Variants in SMYD4 observed in about 807,000 individuals in gnomAD.
The protein encoded by SMYD4 is SET and MYND domain containing 4.
In SMYD4, 68 loss-of-function variants were observed where a neutral mutation model predicts 72.8. The ratio of observed to expected loss-of-function variants is 0.93; its 90% CI spans 0.77 to 1.14. The LOEUF (loss-of-function observed/expected upper bound fraction) is 1.14. Ranked by LOEUF, SMYD4 falls within the 50% of genes most tolerant of loss-of-function variation. The pLI, the probability that SMYD4 is intolerant of heterozygous loss-of-function variation, is 0.00. For synonymous variants in SMYD4, 407 were observed against 388.6 expected, an observed-to-expected ratio of 1.05 and a Z score of -0.56; for missense variants, 984 against 1,003.7, an observed-to-expected ratio of 0.98 and a Z score of 0.27.
intron 5 of SMYD4, among the ~76,000 whole-genome samples, chr17:1,794,051 A>G (rs12947466): frequency 0.013 from 988 of 77,306 alleles, 29 homozygotes; most frequent in African/African-American, 0.022. Flanking sequence ...GTATATATAT[A>G]TGTGTGTATA....
chr17:1,818,702 C>T (rs1910754384), intron 2 of SMYD4, among the ~76,000 whole-genome samples: 1 of 152,016 alleles, frequency 6.6e-6, no homozygotes, highest in Non-Finnish European at 1.5e-5. Context: ...TTCCATTGCT[C>T]AGGCTGGAGT....
intron 2 of SMYD4, among the ~76,000 whole-genome samples, chr17:1,812,722 T>G (rs908640807): frequency 8.6e-5 from 13 of 151,604 alleles, no homozygotes; most frequent in Non-Finnish European, 1.8e-4. Context: ...CTAATTTTTG[T>G]ATTTTTAGTA....
chr17:1,819,382 T>C (rs985729858), intron 2 of SMYD4, among the ~76,000 whole-genome samples: 1 of 152,072 alleles, frequency 6.6e-6, no homozygotes, highest in Non-Finnish European at 1.5e-5. Context: ...ACAAAATGAC[T>C]ACATAGTTAA....
chr17:1,828,084 C>T (rs1911296387), intron 1 of SMYD4, 78 bp from the exon 2 acceptor site: 1 of 1,448,166 alleles, frequency 6.9e-7, no homozygotes, highest in Non-Finnish European at 9.5e-7. Context: ...GGTACGGTGG[C>T]TCACACCTGT....
intron 2 of SMYD4, among the ~76,000 whole-genome samples, chr17:1,821,372 G>T (rs1020590252): frequency 1.8e-4 from 28 of 151,900 alleles, no homozygotes; most frequent in Non-Finnish European, 2.4e-4. Flanking sequence ...AAATTAGCTG[G>T]GCGCGGTGGT....
At chr17:1,817,995 C>G (rs9895685) in intron 2 of SMYD4, among the ~76,000 whole-genome samples, 27,410 of 141,840 alleles carry the variant, frequency 0.19, 2,618 homozygotes, top group Middle Eastern at 0.24. Context: ...TGCAGTGAGC[C>G]GAGATCGTGC....
At position 1,806,270 on chromosome 17, in the gene SMYD4, C is replaced by T. The variant is rs186172515; in HGVS notation, c.280-1555G>A. 9.0e-4 allele frequency among the ~76,000 whole-genome samples: 137 copies of T among 152,176 alleles called. 1 individual carries two copies. The highest frequency in any genetic ancestry group is 3.0e-3 in the African/African-American group (123 of 41,520). ...AGAAAGCATGTAAAGTATTGCTGGACGAATCCCTAACTCTGACACAAAACC... is the reference window on the plus strand; with the variant it reads ...AGAAAGCATGTAAAGTATTGCTGGATGAATCCCTAACTCTGACACAAAACC... On this transcript the variant is annotated intron_variant, in intron 3 of 10. Transcript: ENST00000305513.
chr17:1,809,836 A>G (rs1333297544), intron 3 of SMYD4, among the ~76,000 whole-genome samples: 2 of 149,998 alleles, frequency 1.3e-5, no homozygotes, highest in African/African-American at 4.9e-5. Context: ...TGCCCGGCTA[A>G]TTTTTTGTAT....
chr17:1,793,002 C>T (rs954662645), intron 5 of SMYD4, among the ~76,000 whole-genome samples: 1 of 152,076 alleles, frequency 6.6e-6, no homozygotes, highest in Admixed American at 6.6e-5. Flanking sequence ...ACGGCGGCCT[C>T]GACCTCCTGG....
rs34482955 is a variant in SMYD4 at position 1,817,048 on chromosome 17, C to CT, written c.135-4934dup. ...TGATACTGTCCTTGGTGCACAAAACCTTTTTTTTTTTTTTTTAAGACAGTC... is the reference window on the plus strand; with the variant it reads ...TGATACTGTCCTTGGTGCACAAAACCTTTTTTTTTTTTTTTTTAAGACAGTC... On this transcript the variant is annotated intron_variant, in intron 2 of 10. Transcript: ENST00000305513. 1.2e-3 allele frequency among the ~76,000 whole-genome samples: 163 copies of CT among 138,414 alleles called. 1 individual carries two copies. The highest frequency in any genetic ancestry group is 2.3e-3 in the East Asian group (11 of 4,724). The allele number at this position is 138,414 out of a possible 152,430, so 90.8% of individuals were successfully genotyped here. A position where few individuals can be genotyped will look rare whatever the true frequency, so the allele number is the denominator to read the frequency against.
In SMYD4 at chr17:1,800,667, T is replaced by C. The variant is rs1469124814; in HGVS notation, c.727A>G (p.Lys243Glu). The change falls in exon 5 of 11, where the codon AAA becomes GAA. Residue 243 changes from lysine to glutamate, a missense_variant. Physicochemically the swap from Lys to Glu is moderately conservative, Grantham distance 56. Coordinates refer to ENST00000305513, the MANE Select transcript of SMYD4 (RefSeq NM_052928.3). Reference protein sequence around the residue: ...SSIGLCVDPLKGRCLVATKDI... With the variant: ...SSIGLCVDPLEGRCLVATKDI... Reference sequence around the variant, plus strand: ...TTTGTGGCAACGAGACAGCGACCTTTTAAAGGATCTACGCATAAGCCGATG... The same window carrying C: ...TTTGTGGCAACGAGACAGCGACCTTCTAAAGGATCTACGCATAAGCCGATG... The C allele has an allele frequency of 1.9e-6, 3 of 1,614,146 alleles. No homozygotes were observed. In the South Asian group the frequency reaches 3.3e-5, roughly 18 times the overall value.
chr17:1,828,629 G>C (rs1158511606), intron 1 of SMYD4, among the ~76,000 whole-genome samples: 3 of 133,748 alleles, frequency 2.2e-5, no homozygotes, highest in African/African-American at 8.3e-5. Context: ...GCAGAGTCTT[G>C]CTCTGTCACC....
In SMYD4 at chr17:1,800,812, C is replaced by T. The variant is rs1226490837; in HGVS notation, c.582G>A (p.Leu194=). ...PQTLQRNLHR[L]KMKMQEKDSL... ...TGTCCTTTTCTTGCATCTTCATTTT[C>T]AGACGATGGAGGTTTCTCTGCAGAG... Residue 194 remains leucine, a synonymous_variant, in exon 5 of 11, where the codon CTG becomes CTA. Coordinates refer to ENST00000305513, the MANE Select transcript of SMYD4 (RefSeq NM_052928.3). The T allele has an allele frequency of 6.2e-7, 1 of 1,614,074 alleles. No individual in the cohort carries two copies. The highest frequency in any genetic ancestry group is 1.7e-5 in the Admixed American group (1 of 60,002).
chr17:1,814,838 AT>A (rs1276514434), intron 2 of SMYD4: 5 of 152,152 alleles, frequency 3.3e-5, no homozygotes, highest in African/African-American at 1.2e-4. Flanking sequence ...GAAAGATTTT[AT>A]TTAATTTAAG....
chr17:1,787,789 A>C (rs1179131961), intron 5 of SMYD4, among the ~76,000 whole-genome samples, 185 bp from the exon 6 acceptor site: 2 of 152,224 alleles, frequency 1.3e-5, no homozygotes, highest in Non-Finnish European at 2.9e-5. Context: ...CCAGGAAGCA[A>C]AGTGGATGAA....
chr17:1,802,590 C>T (rs764204751), intron 4 of SMYD4, among the ~76,000 whole-genome samples: 2 of 152,174 alleles, frequency 1.3e-5, no homozygotes, highest in Non-Finnish European at 2.9e-5. Flanking sequence ...TAATCACTGG[C>T]CTCAGCAGTC....
intron 5 of SMYD4, among the ~76,000 whole-genome samples, chr17:1,788,463 T>G (rs1309789260): frequency 1.3e-5 from 2 of 152,206 alleles, no homozygotes; most frequent in African/African-American, 4.8e-5. Flanking sequence ...TTGTTCATTT[T>G]GGCCGGGCGC....
chr17:1,800,867 G>A lies in SMYD4; in HGVS notation c.527C>T (p.Thr176Ile). The A allele has an allele frequency of 6.2e-7, 1 of 1,614,218 alleles. No individual in the cohort carries two copies. The highest frequency in any genetic ancestry group is 8.5e-7 in the Non-Finnish European group (1 of 1,180,036). The change falls in exon 5 of 11, where the codon ACA (threonine) becomes ATA (isoleucine). Residue 176 changes from threonine to isoleucine, a missense_variant. Thr to Ile is a moderately conservative substitution (Grantham distance 89, BLOSUM62 -1). Transcript: ENST00000305513. ...ISDLERNFTA[T>I]PALADVLPQT... Reference sequence around the variant, plus strand: ...AGGGAGGACATCTGCTAGGGCTGGTGTGGCTGTGAAGTTCCTTTCAAGATC... The same window carrying A: ...AGGGAGGACATCTGCTAGGGCTGGTATGGCTGTGAAGTTCCTTTCAAGATC...
In SMYD4 at chr17:1,793,469, C is replaced by A. The variant is rs985684508; in HGVS notation, c.1538-5865G>T. Among the ~76,000 whole-genome samples, 3 of 151,832 alleles carry A rather than the reference C, an allele frequency of 2.0e-5. No individual in the cohort carries two copies. In the East Asian group the frequency reaches 5.8e-4, roughly 29 times the overall value. Reference sequence around the variant, plus strand: ...TTTCTGTGGCACCTGGTCTTTTATCCTCAAGGAAGCCAGCCCAGGCTTGTT... The same window carrying A: ...TTTCTGTGGCACCTGGTCTTTTATCATCAAGGAAGCCAGCCCAGGCTTGTT... On this transcript the variant is annotated intron_variant, in intron 5 of 10. Transcript: ENST00000305513.
Sources: allele counts gnomAD v4.1 joint callset (sites outside exome capture counted in the v4.1 genomes callset), GRCh38; gene constraint gnomAD v4.1.1; transcripts MANE v1.5; gene names NCBI Gene and HGNC (gene_info 2026-07-23, HGNC 2026-07-21).